ITGB3BP: variants seen among roughly 807,000 people sequenced by gnomAD.
ITGB3BP encodes integrin subunit beta 3 binding protein.
In ITGB3BP, 27 loss-of-function variants were observed where a neutral mutation model predicts 29.1. The observed-to-expected ratio is 0.93, with a 90% CI of 0.68 to 1.28. The LOEUF (loss-of-function observed/expected upper bound fraction) is 1.28, where lower values mean the gene tolerates loss of function less well. ITGB3BP is among the 50% of genes most tolerant of loss of function. ITGB3BP has a pLI of 0.00. For missense variants in ITGB3BP, 192 were observed against 200.2 expected (o/e 0.96, Z 0.25); for synonymous variants, 61 against 61.4 (o/e 0.99, Z 0.03).
Position 63,440,798 on chromosome 1 carries a change from C to T in ITGB3BP, c.*307G>A, listed in dbSNP as rs563484411. 1 of 152,740 alleles carries T rather than the reference C, an allele frequency of 6.5e-6. No homozygotes were observed. The highest frequency in any genetic ancestry group is 1.5e-5 in the Non-Finnish European group (1 of 68,024). 9.5% of individuals were successfully genotyped at this position (152,740 alleles called of 1,614,324 possible). A position where few individuals can be genotyped will look rare whatever the true frequency, so the allele number is the denominator to read the frequency against. ...CACTTTTATACATGCTTTATTAAGT[C>T]TACCCACAAATGCTAAAAGTCCACA... On this transcript the variant is annotated 3_prime_UTR_variant, in exon 9 of 9. Transcript: ENST00000271002.
chr1:63,503,690 T>C (rs907111170), intron 2 of ITGB3BP, among the ~76,000 whole-genome samples: 13 of 152,342 alleles, frequency 8.5e-5, no homozygotes, highest in South Asian at 2.1e-4. Flanking sequence ...AATTTTTTTA[T>C]AAGGTGTAAG....
intron 4 of ITGB3BP, chr1:63,458,046 T>C (rs920007826): frequency 9.2e-5 from 14 of 152,180 alleles, no homozygotes; most frequent in African/African-American, 3.4e-4. Flanking sequence ...AAGAGTTGCA[T>C]TGTGAAATTC....
At chr1:63,445,232 G>A (rs2100466928) in intron 8 of ITGB3BP, among the ~76,000 whole-genome samples, 1 of 152,196 alleles carries the variant, frequency 6.6e-6, no homozygotes. Flanking sequence ...GTTTCAGTGA[G>A]CCGAGATCGT....
chr1:63,490,573 G>A (rs1645624767), intron 2 of ITGB3BP, among the ~76,000 whole-genome samples: 1 of 152,132 alleles, frequency 6.6e-6, no homozygotes, highest in African/African-American at 2.4e-5. Context: ...GGCCAGGGCA[G>A]GAAAACTCTC....
intron 4 of ITGB3BP, among the ~76,000 whole-genome samples, chr1:63,465,463 C>T (rs1395497418): frequency 6.6e-6 from 1 of 150,632 alleles, no homozygotes; most frequent in Non-Finnish European, 1.5e-5. Context: ...TTTTCTGTCT[C>T]CCAGGCTAGA....
intron 3 of ITGB3BP, among the ~76,000 whole-genome samples, chr1:63,481,132 T>C (rs535603239): frequency 1.1e-3 from 169 of 151,526 alleles, no homozygotes; most frequent in Non-Finnish European, 1.9e-3. Flanking sequence ...TAGCAAAAAA[T>C]GTTAGGTAAT....
chr1:63,466,140 A>T (rs1240404708), intron 4 of ITGB3BP, among the ~76,000 whole-genome samples: 1 of 152,234 alleles, frequency 6.6e-6, no homozygotes, highest in Non-Finnish European at 1.5e-5. Flanking sequence ...ATCGCCTTCC[A>T]TGGAGCCATG....
intron 7 of ITGB3BP, among the ~76,000 whole-genome samples, chr1:63,448,071 T>C (rs1431778420): frequency 1.3e-5 from 2 of 150,252 alleles, no homozygotes; most frequent in African/African-American, 4.9e-5. Flanking sequence ...CAGTAAACTA[T>C]TGCAAGGACA....
intron 2 of ITGB3BP, among the ~76,000 whole-genome samples, chr1:63,506,203 T>C (rs1646075368): frequency 6.6e-6 from 1 of 152,206 alleles, no homozygotes; most frequent in Non-Finnish European, 1.5e-5. Flanking sequence ...TGCTCCTGTA[T>C]TGGGTGCATA....
chr1:63,449,338 TTAAG>T (rs1438898279), intron 7 of ITGB3BP: 4 of 152,526 alleles, frequency 2.6e-5, no homozygotes, highest in African/African-American at 7.2e-5. Flanking sequence ...CTAATTGCTA[TTAAG>T]TGAGTCCAAA....
upstream of ITGB3BP, among the ~76,000 whole-genome samples, chr1:63,526,593 C>G (rs1054537757): frequency 6.6e-6 from 1 of 152,076 alleles, no homozygotes; most frequent in Non-Finnish European, 1.5e-5. Context: ...TATTTGATGT[C>G]TAAATAAAAT....
chr1:63,468,056 T>C (rs1269542556), intron 4 of ITGB3BP, among the ~76,000 whole-genome samples: 1 of 152,186 alleles, frequency 6.6e-6, no homozygotes, highest in East Asian at 1.9e-4. Context: ...GCCTAATGCC[T>C]CTCTTCTCTC....
chr1:63,472,515 T>C (rs944511678), intron 4 of ITGB3BP, among the ~76,000 whole-genome samples: 2 of 138,862 alleles, frequency 1.4e-5, no homozygotes, highest in African/African-American at 2.8e-5. Context: ...CTCCCTCTGA[T>C]GCCGAGCCAA....
At chr1:63,522,982 C>T (rs1297919526) in intron 1 of ITGB3BP, 147 bp downstream of exon 1, 1 of 904,746 alleles carries the variant, frequency 1.1e-6, no homozygotes, top group South Asian at 1.3e-5. Context: ...GTTGAGGGTA[C>T]CAAGCGAAGG....
intron 4 of ITGB3BP, among the ~76,000 whole-genome samples, chr1:63,472,443 T>TCCCTCTCCCTCTC (rs1557623550): frequency 2.3e-4 from 21 of 90,380 alleles, no homozygotes; most frequent in African/African-American, 6.4e-4. Flanking sequence ...CCTCTCCCTC[T>TCCCTCTCCCTCTC]CCCTCTCCCC....
intron 8 of ITGB3BP, among the ~76,000 whole-genome samples, chr1:63,443,906 G>A (rs959142795): frequency 6.6e-6 from 1 of 152,130 alleles, no homozygotes; most frequent in African/African-American, 2.4e-5. Flanking sequence ...TGGCAGCTGA[G>A]ATTGTGGGTT....
chr1:63,448,875 C>T (rs1267214419), intron 7 of ITGB3BP, among the ~76,000 whole-genome samples: 1 of 151,934 alleles, frequency 6.6e-6, no homozygotes, highest in Non-Finnish European at 1.5e-5. Flanking sequence ...CCTTCTTCAC[C>T]GTTTGCTCAT....
chr1:63,517,060 A>C (rs1056774911), intron 1 of ITGB3BP, among the ~76,000 whole-genome samples: 11 of 152,034 alleles, frequency 7.2e-5, no homozygotes, highest in African/African-American at 2.4e-4. Context: ...AAGAAGGAAA[A>C]TTAGATTACA....
At chr1:63,511,802 G>A (rs371156684) in intron 1 of ITGB3BP, among the ~76,000 whole-genome samples, 5 of 151,906 alleles carry the variant, frequency 3.3e-5, no homozygotes, top group Admixed American at 6.6e-5. Flanking sequence ...GGAAATTACT[G>A]TTTAATGGGT....
Sources: gnomAD v4.1 joint callset for allele counts (sites outside exome capture counted in the v4.1 genomes callset) on GRCh38, gnomAD v4.1.1 for gene constraint, MANE v1.5 for transcripts, NCBI Gene and HGNC (gene_info 2026-07-23, HGNC 2026-07-21) for gene names.